CDH23: variants seen among roughly 807,000 people sequenced by gnomAD.
CDH23 encodes cadherin related 23.
CDH23 carries 189 observed loss-of-function variants against 317.1 expected under a neutral mutation model. The observed-to-expected ratio is 0.60, with a 90% CI of 0.53 to 0.67. The LOEUF (loss-of-function observed/expected upper bound fraction) is 0.67. CDH23 is among the 30% of genes least tolerant of loss of function. The pLI, the probability that CDH23 is intolerant of heterozygous loss-of-function variation, is 0.00. For missense variants in CDH23, 4,401 were observed against 4,592.4 expected, an observed-to-expected ratio of 0.96 and a Z score of 1.20; for synonymous variants, 1,839 against 1,876.8, an observed-to-expected ratio of 0.98 and a Z score of 0.52.
intron 7 of CDH23, among the ~76,000 whole-genome samples, chr10:71,569,170 C>T (rs1192756397): frequency 2.0e-5 from 3 of 152,350 alleles, no homozygotes; most frequent in African/African-American, 4.8e-5. Context: ...TGCCGAGAAC[C>T]TCTCTGCTCA....
Position 71,784,958 on chromosome 10 carries a change from A to C in CDH23, c.5570A>C (p.Asn1857Thr). ...NDPVLLNLPM[N>T]ITISENSPVS... ...CCTGTGCTGCTGAACCTGCCCATGA[A>C]CATCACCATCAGCGAGAACAGCCCT... The change falls in exon 43 of 70, where the codon AAC becomes ACC. Residue 1857 changes from asparagine (N) to threonine (T), a missense_variant. By Grantham distance (65) the Asn-to-Thr change is moderately conservative (BLOSUM62 0). This residue lies in a region of CDH23 where 3,068 missense variants were observed against 3,203.3 expected (regional missense o/e 0.96). Transcript: ENST00000224721. 6.2e-7 allele frequency: 1 copy of C among 1,613,984 alleles called. No homozygotes were observed. The highest frequency in any genetic ancestry group is 8.5e-7 in the Non-Finnish European group (1 of 1,179,880).
intron 6 of CDH23, among the ~76,000 whole-genome samples, chr10:71,551,748 G>T (rs1856608866): frequency 6.6e-6 from 1 of 152,200 alleles, no homozygotes; most frequent in East Asian, 1.9e-4. Context: ...ACCTCTAGCT[G>T]TCCCTGAAGC....
intron 3 of CDH23, among the ~76,000 whole-genome samples, chr10:71,468,326 T>C (rs997168411): frequency 1.1e-4 from 17 of 152,278 alleles, no homozygotes; most frequent in African/African-American, 4.1e-4. Flanking sequence ...ACATGATAAA[T>C]GCAGGGTCTT....
chr10:71,503,668 CAG>C (rs1346143453), intron 3 of CDH23, among the ~76,000 whole-genome samples: 1 of 152,110 alleles, frequency 6.6e-6, no homozygotes, highest in Non-Finnish European at 1.5e-5. Flanking sequence ...CAGATCCTTT[CAG>C]AGAGAGAGGA....
chr10:71,524,979 C>G (rs532881489), intron 6 of CDH23, among the ~76,000 whole-genome samples: 2 of 152,380 alleles, frequency 1.3e-5, no homozygotes, highest in Non-Finnish European at 2.9e-5. Flanking sequence ...ATAGTCTCAG[C>G]TCACTGCAAC....
rs1164044418 is a variant in CDH23 at position 71,715,978 on chromosome 10, G to A, written c.3369+3165G>A. 1.3e-5 allele frequency: 19 copies of A among 1,489,862 alleles called. No individual in the cohort carries two copies. In the East Asian group the frequency reaches 4.7e-4, roughly 37 times the overall value. 92.3% of individuals were successfully genotyped at this position (1,489,862 alleles called of 1,614,324 possible). A position where few individuals can be genotyped will look rare whatever the true frequency, so the allele number is the denominator to read the frequency against. ...CCATGTAGTCACAGTGGCTGCGGTT[G>A]TCCTCGGGGCCCGGCAGGGGCTGTC... On this transcript the variant is annotated intron_variant, in intron 28 of 69. Transcript: ENST00000224721.
At chr10:71,546,620 G>A (rs1856298546) in intron 6 of CDH23, among the ~76,000 whole-genome samples, 2 of 152,318 alleles carry the variant, frequency 1.3e-5, no homozygotes, top group Admixed American at 1.3e-4. Context: ...CACAGAACAT[G>A]CCTGATATAT....
chr10:71,729,673 TCTA>T (rs1451061769), intron 30 of CDH23, among the ~76,000 whole-genome samples: 1 of 152,196 alleles, frequency 6.6e-6, no homozygotes, highest in Non-Finnish European at 1.5e-5. Context: ...ACTGACATTC[TCTA>T]CTACAACTGC....
intron 3 of CDH23, among the ~76,000 whole-genome samples, chr10:71,468,484 AT>A (rs1851359105): frequency 6.6e-6 from 1 of 152,148 alleles, no homozygotes; most frequent in East Asian, 1.9e-4. Context: ...GCCTGTGTGG[AT>A]GCTTGGTCCC....
chr10:71,457,539 G>T (rs1850754232), intron 3 of CDH23, among the ~76,000 whole-genome samples: 1 of 152,232 alleles, frequency 6.6e-6, no homozygotes, highest in Non-Finnish European at 1.5e-5. Context: ...CTAGGAAAGA[G>T]CCTCAGTGGC....
intron 9 of CDH23, among the ~76,000 whole-genome samples, chr10:71,590,247 A>G (rs1859373860): frequency 6.6e-6 from 1 of 152,266 alleles, no homozygotes; most frequent in Non-Finnish European, 1.5e-5. Flanking sequence ...CAGAGCAGAT[A>G]TTTTCAGACA....
chr10:71,444,452 G>A (rs774727093), intron 2 of CDH23, among the ~76,000 whole-genome samples: 8 of 152,240 alleles, frequency 5.3e-5, no homozygotes, highest in South Asian at 2.1e-4. Flanking sequence ...AGGTGTGTAC[G>A]TGGGTGCATG....
chr10:71,800,591 T>A, intron 52 of CDH23, 45 bp from the exon 53 acceptor site: 1 of 1,596,714 alleles, frequency 6.3e-7, no homozygotes, highest in Non-Finnish European at 8.5e-7. Context: ...TCAATAAATA[T>A]CTTTTGAATG....
chr10:71,780,759 T>C (rs1840930841), intron 41 of CDH23, among the ~76,000 whole-genome samples: 1 of 152,044 alleles, frequency 6.6e-6, no homozygotes. Context: ...CAGAACAGAC[T>C]GTAGGGGTGA....
intron 9 of CDH23, among the ~76,000 whole-genome samples, chr10:71,584,096 G>A (rs1858860605): frequency 6.6e-6 from 1 of 152,224 alleles, no homozygotes; most frequent in South Asian, 2.1e-4. Flanking sequence ...ACTTTGAGAA[G>A]CTCTGGTCTA....
chr10:71,476,231 C>T (rs1393505319), intron 3 of CDH23, among the ~76,000 whole-genome samples: 3 of 152,176 alleles, frequency 2.0e-5, no homozygotes, highest in Admixed American at 6.5e-5. Context: ...TGCACATGCC[C>T]CCGTCCCCAC....
Position 71,397,216 on chromosome 10 carries a change from C to A in CDH23, c.-108C>A. Reference sequence around the variant, plus strand: ...GAGCCTTCGCGCCGGCGGGAAGACGCGGCGGTGGCCAGGGCCAGAGCAGGC... The same window carrying A: ...GAGCCTTCGCGCCGGCGGGAAGACGAGGCGGTGGCCAGGGCCAGAGCAGGC... On this transcript the variant is annotated 5_prime_UTR_variant, in exon 1 of 70. Coordinates refer to ENST00000224721, the MANE Select transcript of CDH23 (RefSeq NM_022124.6). The surrounding 1 kb of genome is among the most constrained non-coding windows in gnomAD (Gnocchi z 4.8). 4.1e-6 allele frequency: 1 copy of A among 242,250 alleles called. No individual in the cohort carries two copies. 15.0% of individuals were successfully genotyped at this position (242,250 alleles called of 1,614,324 possible). A position where few individuals can be genotyped will look rare whatever the true frequency, so the allele number is the denominator to read the frequency against.
chr10:71,650,579 G>A lies in CDH23; in HGVS notation c.1449+3962G>A, dbSNP rs538134173. ...TGTGTGTGCATGTGTGCCTGTGCACGTACATGTTACGACTACATGCATTTG... is the reference window on the plus strand; with the variant it reads ...TGTGTGTGCATGTGTGCCTGTGCACATACATGTTACGACTACATGCATTTG... On this transcript the variant is annotated intron_variant, in intron 14 of 69. Transcript: ENST00000224721. Among the ~76,000 whole-genome samples the A allele has an allele frequency of 6.6e-5, 10 of 152,304 alleles. No homozygotes were observed. In the South Asian group the frequency reaches 1.0e-3, roughly 16 times the overall value.
intron 19 of CDH23, 30 bp from the exon 20 acceptor site, chr10:71,690,438 C>A (rs1411031354): frequency 4.0e-6 from 6 of 1,518,858 alleles, no homozygotes; most frequent in South Asian, 1.2e-5. Flanking sequence ...GTGAGCAGCA[C>A]CCCCTGCCCC....
Sources: gnomAD v4.1 joint callset for allele counts (sites outside exome capture counted in the v4.1 genomes callset) on GRCh38, gnomAD v4.1.1 for gene constraint, gnomAD v4.1.1 regional missense constraint, Gnocchi (gnomAD v3.1) non-coding constraint, MANE v1.5 for transcripts, NCBI Gene and HGNC (gene_info 2026-07-23, HGNC 2026-07-21) for gene names.